TRPM3: variants seen among roughly 807,000 people sequenced by gnomAD.
TRPM3 encodes the protein transient receptor potential cation channel subfamily M member 3, also known as long transient receptor potential channel 3.
In TRPM3, 77 loss-of-function variants were observed where a neutral mutation model predicts 181.2. That is an observed-to-expected ratio of 0.42 (90% confidence interval 0.35 to 0.51). TRPM3 has a LOEUF of 0.51. Among genes scored for constraint, TRPM3 ranks in the 20% least tolerant of loss-of-function variants. The pLI, the probability that TRPM3 is intolerant of heterozygous loss-of-function variation, is 0.01. For synonymous variants in TRPM3, 745 were observed against 796.4 expected, an observed-to-expected ratio of 0.94 and a Z score of 1.09; for missense variants, 1,759 against 2,196.7, an observed-to-expected ratio of 0.80 and a Z score of 3.98.
At chr9:70,917,289 G>A (rs866943381) in intron 1 of TRPM3, 114 of 1,389,548 alleles carry the variant, frequency 8.2e-5, no homozygotes, top group African/African-American at 3.7e-4. Flanking sequence ...ATTAGGAAGC[G>A]AAAGTGGTAT....
chr9:70,770,992 T>G (rs1324054706), intron 7 of TRPM3, among the ~76,000 whole-genome samples: 1 of 152,156 alleles, frequency 6.6e-6, no homozygotes, highest in Non-Finnish European at 1.5e-5. Flanking sequence ...AAAGGCCACA[T>G]TTCAAAGCCA....
intron 1 of TRPM3, among the ~76,000 whole-genome samples, chr9:71,024,787 C>T (rs187738962): frequency 7.9e-5 from 12 of 152,330 alleles, no homozygotes; most frequent in Admixed American, 2.6e-4. Context: ...GATAGCATAA[C>T]GGTAAGTTTC....
chr9:71,365,625 C>G (rs1320227248), intron 1 of TRPM3, among the ~76,000 whole-genome samples: 1 of 152,124 alleles, frequency 6.6e-6, no homozygotes, highest in Non-Finnish European at 1.5e-5. Flanking sequence ...TAATTAGAAT[C>G]CCTCCTTATT....
At chr9:70,995,793 C>T (rs1049551348) in intron 1 of TRPM3, among the ~76,000 whole-genome samples, 2 of 152,182 alleles carry the variant, frequency 1.3e-5, no homozygotes, top group African/African-American at 4.8e-5. Flanking sequence ...AACCCAGTTG[C>T]TGTCTGACCC....
intron 1 of TRPM3, among the ~76,000 whole-genome samples, chr9:71,130,471 T>C (rs1308021129): frequency 2.6e-5 from 4 of 152,188 alleles, no homozygotes; most frequent in Admixed American, 2.6e-4. Flanking sequence ...AGTAAAATTA[T>C]ATGGTTACAG....
intron 1 of TRPM3, among the ~76,000 whole-genome samples, chr9:71,404,210 A>G (rs539848784): frequency 5.9e-5 from 9 of 152,350 alleles, no homozygotes; most frequent in Admixed American, 3.3e-4. Flanking sequence ...CTAAATAAGT[A>G]GCAGCTCAAT....
intron 1 of TRPM3, among the ~76,000 whole-genome samples, chr9:71,251,839 T>C (rs987739821): frequency 6.6e-6 from 1 of 152,134 alleles, no homozygotes; most frequent in South Asian, 2.1e-4. Context: ...AACCATCTTC[T>C]CCTGCCCCCA....
At chr9:70,781,683 T>C (rs1019586357) in intron 7 of TRPM3, among the ~76,000 whole-genome samples, 1 of 152,102 alleles carries the variant, frequency 6.6e-6, no homozygotes, top group African/African-American at 2.4e-5. Flanking sequence ...CCTGGGATCT[T>C]GGGCTGTGTG....
At chr9:71,008,632 CAGG>C (rs1198177802) in intron 1 of TRPM3, among the ~76,000 whole-genome samples, 1 of 152,184 alleles carries the variant, frequency 6.6e-6, no homozygotes, top group Non-Finnish European at 1.5e-5. Context: ...CACTTGAGCT[CAGG>C]AGTTCAAGAC....
At chr9:70,569,282 T>A (rs906051383) in intron 22 of TRPM3, among the ~76,000 whole-genome samples, 2 of 152,172 alleles carry the variant, frequency 1.3e-5, no homozygotes, top group Non-Finnish European at 2.9e-5. Flanking sequence ...GAATAAGCAG[T>A]CTGTTTAGGC....
chr9:70,648,720 G>C (rs1002714667), intron 9 of TRPM3, among the ~76,000 whole-genome samples: 4 of 151,972 alleles, frequency 2.6e-5, no homozygotes, highest in African/African-American at 9.7e-5. Flanking sequence ...CTTTGACAAA[G>C]TCAACACTAA....
At chr9:71,107,955 G>C (rs537859693) in intron 1 of TRPM3, among the ~76,000 whole-genome samples, 5 of 152,232 alleles carry the variant, frequency 3.3e-5, no homozygotes, top group South Asian at 2.1e-4. Context: ...CAGAAGAATT[G>C]ACAAAGCTTG....
intron 1 of TRPM3, among the ~76,000 whole-genome samples, chr9:71,011,020 A>C (rs2097732831): frequency 6.6e-6 from 1 of 152,072 alleles, no homozygotes; most frequent in Non-Finnish European, 1.5e-5. Flanking sequence ...ATCATGAATG[A>C]ATCTGTAGGA....
chr9:71,379,676 A>AT (rs899480147), intron 1 of TRPM3, among the ~76,000 whole-genome samples: 10 of 148,402 alleles, frequency 6.7e-5, no homozygotes, highest in African/African-American at 9.7e-5. Flanking sequence ...GGTATACAGA[A>AT]TTTTTTTTCT....
At chr9:70,617,864 C>G (rs1466696398) in intron 17 of TRPM3, among the ~76,000 whole-genome samples, 1 of 152,132 alleles carries the variant, frequency 6.6e-6, no homozygotes, top group Non-Finnish European at 1.5e-5. Context: ...ACTCGGGAGG[C>G]TGAGGTAGGA....
chr9:70,628,417 T>A (rs1589507488), intron 12 of TRPM3, among the ~76,000 whole-genome samples: 1 of 152,182 alleles, frequency 6.6e-6, no homozygotes. Context: ...GCCTTTATGG[T>A]CTGCAGTGTT....
intron 1 of TRPM3, among the ~76,000 whole-genome samples, chr9:71,022,874 T>C (rs1016136043): frequency 1.3e-5 from 2 of 151,962 alleles, no homozygotes; most frequent in Admixed American, 6.6e-5. Context: ...CAGATATATA[T>C]GTAAAATTTA....
chr9:71,382,253 A>G (rs1222488914), intron 1 of TRPM3, among the ~76,000 whole-genome samples: 1 of 152,104 alleles, frequency 6.6e-6, no homozygotes, highest in African/African-American at 2.4e-5. Flanking sequence ...CTCTATGAAA[A>G]ACTCAACTGC....
intron 1 of TRPM3, among the ~76,000 whole-genome samples, chr9:71,319,736 A>C (rs986624373): frequency 3.3e-5 from 5 of 152,110 alleles, no homozygotes; most frequent in Non-Finnish European, 7.4e-5. Context: ...TTATTCAAAA[A>C]TGTTACCCTT....
Sources: allele counts gnomAD v4.1 joint callset (sites outside exome capture counted in the v4.1 genomes callset), GRCh38; gene constraint gnomAD v4.1.1; transcripts MANE v1.5; gene names NCBI Gene and HGNC (gene_info 2026-07-23, HGNC 2026-07-21).